PLCB1: variants seen among roughly 807,000 people sequenced by gnomAD.
PLCB1 encodes 1-phosphatidylinositol 4,5-bisphosphate phosphodiesterase beta-1.
Under a neutral mutation model 161.8 loss-of-function variants are expected in PLCB1, and 46 were observed. The ratio of observed to expected loss-of-function variants is 0.28; its 90% CI spans 0.22 to 0.36. The LOEUF (loss-of-function observed/expected upper bound fraction) is 0.36. Among genes scored for constraint, PLCB1 ranks in the 10% least tolerant of loss-of-function variants. PLCB1 has a pLI of 1.00. For synonymous variants in PLCB1, 517 were observed against 503.7 expected, an observed-to-expected ratio of 1.03 and a Z score of -0.35; for missense variants, 1,016 against 1,472.5, an observed-to-expected ratio of 0.69 and a Z score of 5.07.
At chr20:8,266,544 G>A (rs935130346) in intron 2 of PLCB1, among the ~76,000 whole-genome samples, 2 of 152,198 alleles carry the variant, frequency 1.3e-5, no homozygotes, top group Non-Finnish European at 2.9e-5. Flanking sequence ...AGCGTAGGAG[G>A]GAGCTACAAA....
chr20:8,660,886 G>C (rs1280046041), intron 9 of PLCB1, among the ~76,000 whole-genome samples: 1 of 152,058 alleles, frequency 6.6e-6, no homozygotes, highest in Non-Finnish European at 1.5e-5. Context: ...TTCCACTTTT[G>C]AGTTTCAAAG....
rs71696155 is a variant in PLCB1 at position 8,831,913 on chromosome 20, T to TCC, written c.3423+41653_3423+41654insCC. On this transcript the variant is annotated intron_variant, in intron 31 of 31. Coordinates refer to ENST00000338037, the MANE Select transcript of PLCB1 (RefSeq NM_015192.4). ...CTTTCTTTCTCCCTCTCTTTCTTTC[T>TCC]CTTTCTTTCTTTCTTTCTTTCTTTC... Among the ~76,000 whole-genome samples, 7 of 3,504 alleles carry TCC rather than the reference T, an allele frequency of 2.0e-3. No homozygotes were observed. In the East Asian group the frequency reaches 0.039, roughly 20 times the overall value. 2.3% of individuals were successfully genotyped at this position (3,504 alleles called of 152,430 possible).
chr20:8,695,508 C>T (rs543424850), intron 10 of PLCB1, among the ~76,000 whole-genome samples: 9 of 152,252 alleles, frequency 5.9e-5, no homozygotes, highest in African/African-American at 2.2e-4. Flanking sequence ...TTGAGACCAA[C>T]CTGGGCAACA....
At chr20:8,609,115 A>G (rs566785352) in intron 3 of PLCB1, among the ~76,000 whole-genome samples, 4 of 152,328 alleles carry the variant, frequency 2.6e-5, no homozygotes, top group South Asian at 2.1e-4. Context: ...AACTTTTCAT[A>G]TATGCAGTAG....
intron 3 of PLCB1, among the ~76,000 whole-genome samples, chr20:8,418,642 G>T (rs756637251): frequency 6.6e-6 from 1 of 151,444 alleles, no homozygotes; most frequent in Non-Finnish European, 1.5e-5. Context: ...TGATCATTTG[G>T]GTTTTGAAAA....
chr20:8,433,699 TCTC>T (rs1170347257), intron 3 of PLCB1, among the ~76,000 whole-genome samples: 1 of 146,680 alleles, frequency 6.8e-6, no homozygotes, highest in Non-Finnish European at 1.5e-5. Flanking sequence ...AGTGTATCCT[TCTC>T]CTCTTCCTCC....
Position 8,854,266 on chromosome 20 carries a change from A to ATT in PLCB1, c.3424-27348_3424-27347dup, listed in dbSNP as rs11438137. On this transcript the variant is annotated intron_variant, in intron 31 of 31. Coordinates refer to ENST00000338037, the MANE Select transcript of PLCB1 (RefSeq NM_015192.4). ...ATCAGGCAGACAGATCTCAGAGGGC[A>ATT]TTTTTTTTTAGCACTGCCTAGAGCC... is the stretch of plus-strand genomic sequence containing the variant. 4.2e-3 allele frequency among the ~76,000 whole-genome samples: 630 copies of ATT among 151,126 alleles called. 3 individuals carry two copies. The highest frequency in any genetic ancestry group is 0.015 in the African/African-American group (604 of 41,222).
At chr20:8,255,110 G>A (rs1981347415) in intron 2 of PLCB1, among the ~76,000 whole-genome samples, 1 of 152,066 alleles carries the variant, frequency 6.6e-6, no homozygotes, top group Non-Finnish European at 1.5e-5. Context: ...CGATGACCAT[G>A]ATTCACAGCA....
intron 2 of PLCB1, among the ~76,000 whole-genome samples, chr20:8,154,130 T>G (rs2051536491): frequency 6.6e-6 from 1 of 152,180 alleles, no homozygotes; most frequent in Non-Finnish European, 1.5e-5. Context: ...TGTCCATTTT[T>G]ATACTAAGTC....
At chr20:8,188,918 T>C (rs1349677218) in intron 2 of PLCB1, among the ~76,000 whole-genome samples, 1 of 152,132 alleles carries the variant, frequency 6.6e-6, no homozygotes, top group Non-Finnish European at 1.5e-5. Context: ...TGATAGGTAA[T>C]TCAAATATTT....
chr20:8,232,202 A>T (rs1980081085), intron 2 of PLCB1, among the ~76,000 whole-genome samples: 1 of 150,722 alleles, frequency 6.6e-6, no homozygotes, highest in South Asian at 2.1e-4. Flanking sequence ...TGTCCAACAT[A>T]GCAAGAGCGC....
At chr20:8,361,812 CA>C (rs1986552182) in intron 2 of PLCB1, among the ~76,000 whole-genome samples, 1 of 152,156 alleles carries the variant, frequency 6.6e-6, no homozygotes, top group Non-Finnish European at 1.5e-5. Context: ...CTGGAGTTTT[CA>C]AGTGGAAACA....
At chr20:8,399,741 A>AT (rs1036511622) in intron 3 of PLCB1, among the ~76,000 whole-genome samples, 4 of 150,580 alleles carry the variant, frequency 2.7e-5, no homozygotes, top group African/African-American at 7.4e-5. Context: ...TCAAAACTTT[A>AT]TTTTTTTTAC....
At chr20:8,463,181 GTC>G (rs1555808929) in intron 3 of PLCB1, among the ~76,000 whole-genome samples, 23 of 146,794 alleles carry the variant, frequency 1.6e-4, no homozygotes, top group African/African-American at 5.2e-4. Context: ...GTGTGTGTGT[GTC>G]TGTGTATGTG....
chr20:8,875,179 A>G (rs981401465), intron 31 of PLCB1, among the ~76,000 whole-genome samples: 4 of 150,888 alleles, frequency 2.7e-5, no homozygotes, highest in African/African-American at 9.7e-5. Context: ...CTCATTTTTC[A>G]GAGAAATGGA....
intron 3 of PLCB1, among the ~76,000 whole-genome samples, chr20:8,390,453 A>G (rs1422673839): frequency 2.6e-5 from 4 of 152,182 alleles, no homozygotes; most frequent in Admixed American, 1.3e-4. Flanking sequence ...ATACTTCAAC[A>G]TATAAATGTT....
chr20:8,531,152 A>G (rs1160286876), intron 3 of PLCB1, among the ~76,000 whole-genome samples: 1 of 152,066 alleles, frequency 6.6e-6, no homozygotes, highest in African/African-American at 2.4e-5. Flanking sequence ...GAGTGTGTGA[A>G]TAATAAGTGG....
chr20:8,863,369 A>G (rs998025975), intron 31 of PLCB1, among the ~76,000 whole-genome samples: 3 of 152,254 alleles, frequency 2.0e-5, no homozygotes, highest in Admixed American at 6.5e-5. Flanking sequence ...GCCATTAAAT[A>G]CATGAATGAT....
At chr20:8,746,000 C>T (rs1465575395) in intron 23 of PLCB1, among the ~76,000 whole-genome samples, 1 of 152,146 alleles carries the variant, frequency 6.6e-6, no homozygotes, top group East Asian at 1.9e-4. Context: ...GGCATGATCT[C>T]GGCTCACTGC....
Sources: allele counts gnomAD v4.1 joint callset (sites outside exome capture counted in the v4.1 genomes callset), GRCh38; gene constraint gnomAD v4.1.1; transcripts MANE v1.5; gene names NCBI Gene and HGNC (gene_info 2026-07-23, HGNC 2026-07-21).